Variants in IKZF3 observed in about 807,000 individuals in gnomAD.
The protein encoded by IKZF3 is IKAROS family zinc finger 3, also known as zinc finger protein Aiolos.
In IKZF3, 10 loss-of-function variants were observed where a neutral mutation model predicts 49.0. That is an observed-to-expected ratio of 0.20 (90% CI 0.13 to 0.35). The LOEUF is 0.35. Among genes scored for constraint, IKZF3 ranks in the 10% least tolerant of loss-of-function variants. IKZF3 has a pLI of 1.00. For missense variants in IKZF3, 498 were observed against 664.8 expected (o/e 0.75, Z 2.76); for synonymous variants, 209 against 228.2 (o/e 0.92, Z 0.76).
In IKZF3 at chr17:39,761,017, T is replaced by C. The variant is rs954424975; in HGVS notation, c.*4773A>G. The C allele has an allele frequency of 2.9e-5, 4 of 139,520 alleles. No individual in the cohort carries two copies. Among genetic ancestry groups the C allele is most frequent in the Non-Finnish European group, 4.4e-5 (3 of 67,826 alleles). The allele number at this position is 139,520 out of a possible 1,614,324, so 8.6% of individuals were successfully genotyped here. On this transcript the variant is annotated 3_prime_UTR_variant, in exon 8 of 8. Coordinates refer to ENST00000346872, the MANE Select transcript of IKZF3 (RefSeq NM_012481.5). ...AAATACAAAAAAAATTAGCTGTGCA[T>C]GGTGGTGTGCCTATAGTCCCAGCTA...
At chr17:39,800,378 T>C (rs2061287309) in intron 3 of IKZF3, among the ~76,000 whole-genome samples, 1 of 152,180 alleles carries the variant, frequency 6.6e-6, no homozygotes, top group Non-Finnish European at 1.5e-5. Flanking sequence ...ACTTGCCTTT[T>C]TGTACATATG....
At position 39,765,946 on chromosome 17, in the gene IKZF3, G is replaced by A. The variant is rs931627223; in HGVS notation, c.1374C>T (p.Arg458=). The A allele has an allele frequency of 1.5e-5, 24 of 1,614,120 alleles. No homozygotes were observed. Among genetic ancestry groups the A allele is most frequent in the East Asian group, 6.7e-5 (3 of 44,906 alleles). Residue 458 remains arginine, a synonymous_variant, in exon 8 of 8, where the codon CGC becomes CGT. Coordinates refer to ENST00000346872, the MANE Select transcript of IKZF3 (RefSeq NM_012481.5). The part of the protein sequence containing the change: ...VMDVYRCDHC[R]VLFLDYVMFT... ...ACATCACATAGTCCAGGAAGAGGAC[G>A]CGGCAGTGGTCACACCGATACACAT...
intron 1 of IKZF3, among the ~76,000 whole-genome samples, chr17:39,852,392 C>G (rs1392432655): frequency 6.6e-6 from 1 of 152,172 alleles, no homozygotes; most frequent in Non-Finnish European, 1.5e-5. Context: ...AGGTCACTAG[C>G]AAGTGTTATG....
In IKZF3 at chr17:39,848,201, TA is replaced by T. The variant is rs555695098; in HGVS notation, c.7+15918del. Among the ~76,000 whole-genome samples, 995 of 151,342 alleles carry T rather than the reference TA, an allele frequency of 6.6e-3. 10 individuals are homozygous for T. The highest frequency in any genetic ancestry group is 0.023 in the African/African-American group (961 of 41,320). On this transcript the variant is annotated intron_variant, in intron 1 of 7. Transcript: ENST00000346872. ...TCCAGTTCTTCCTACCCTCCCCCTT[TA>T]AAAAAAAATAAAGCATTCCATTTTT...
intron 3 of IKZF3, among the ~76,000 whole-genome samples, chr17:39,816,406 G>T (rs2061679545): frequency 6.6e-6 from 1 of 152,178 alleles, no homozygotes; most frequent in Non-Finnish European, 1.5e-5. Context: ...TAGGTTAGGA[G>T]TAAGGGAATT....
chr17:39,842,056 A>C (rs1041285856), intron 1 of IKZF3, among the ~76,000 whole-genome samples: 7 of 140,362 alleles, frequency 5.0e-5, no homozygotes, highest in African/African-American at 1.0e-4. Context: ...AAAAAAAAAA[A>C]AAACCAGATA....
In IKZF3 at chr17:39,770,287, C is replaced by T. The variant is rs148032579; in HGVS notation, c.827-3794G>A. ...CCAGCTTCTAGTCAAAATCACACCACGCCTTTGAATGATTCATGATACCAG... is the reference window on the plus strand; with the variant it reads ...CCAGCTTCTAGTCAAAATCACACCATGCCTTTGAATGATTCATGATACCAG... On this transcript the variant is annotated intron_variant, in intron 7 of 7. Coordinates refer to ENST00000346872, the MANE Select transcript of IKZF3 (RefSeq NM_012481.5). Among the ~76,000 whole-genome samples, 74 of 152,322 alleles carry T rather than the reference C, an allele frequency of 4.9e-4. 1 individual carries two copies. In the East Asian group the frequency reaches 0.012, roughly 24 times the overall value.
intron 3 of IKZF3, among the ~76,000 whole-genome samples, chr17:39,804,028 T>C (rs1166682380): frequency 6.6e-6 from 1 of 152,222 alleles, no homozygotes; most frequent in African/African-American, 2.4e-5. Flanking sequence ...TGTTTTGTGT[T>C]ATATCACAAT....
chr17:39,863,592 A>T (rs1353848136), intron 1 of IKZF3, among the ~76,000 whole-genome samples: 1 of 152,130 alleles, frequency 6.6e-6, no homozygotes, highest in Non-Finnish European at 1.5e-5. Context: ...TTCATATGAA[A>T]CTCCTAATGT....
intron 2 of IKZF3, among the ~76,000 whole-genome samples, chr17:39,830,549 G>T (rs1057357931): frequency 1.3e-5 from 2 of 152,120 alleles, no homozygotes; most frequent in Non-Finnish European, 2.9e-5. Flanking sequence ...AAGTTTAAGA[G>T]AAATGTATAA....
At chr17:39,772,647 T>G (rs1033264301) in intron 7 of IKZF3, among the ~76,000 whole-genome samples, 2 of 152,132 alleles carry the variant, frequency 1.3e-5, no homozygotes, top group Non-Finnish European at 2.9e-5. Flanking sequence ...TGGGGAAAGC[T>G]GAGCTGGAGA....
At chr17:39,832,824 T>A (rs182725345) in intron 1 of IKZF3, among the ~76,000 whole-genome samples, 170 of 152,208 alleles carry the variant, frequency 1.1e-3, no homozygotes, top group African/African-American at 3.9e-3. Flanking sequence ...AGGGTGACTA[T>A]AGTTAACAAC....
intron 3 of IKZF3, among the ~76,000 whole-genome samples, chr17:39,809,679 T>C (rs79026872): frequency 0.016 from 2,364 of 152,350 alleles, 38 homozygotes; most frequent in Non-Finnish European, 0.025. Flanking sequence ...TTTTAAAAAC[T>C]GTTTTCCACA....
chr17:39,800,488 A>G (rs1301716351), intron 3 of IKZF3, among the ~76,000 whole-genome samples: 1 of 152,230 alleles, frequency 6.6e-6, no homozygotes, highest in Non-Finnish European at 1.5e-5. Context: ...TTGCTGATAA[A>G]GGTAATTGCT....
chr17:39,808,540 TTTCTG>T (rs2061484297), intron 3 of IKZF3, among the ~76,000 whole-genome samples: 1 of 152,218 alleles, frequency 6.6e-6, no homozygotes, highest in Admixed American at 6.5e-5. Context: ...ACTGTCTCAC[TTTCTG>T]TTCTGTTAAT....
chr17:39,829,559 AC>A lies in IKZF3; in HGVS notation c.62-72del, dbSNP rs1445837885. On this transcript the variant is annotated intron_variant, in intron 2 of 7. Coordinates refer to ENST00000346872, the MANE Select transcript of IKZF3 (RefSeq NM_012481.5). ...ATTTTTATAAATATATATTAAGTAGACCCCCATTTAACTTTCAGCTTCACAC... is the reference window on the plus strand; with the variant it reads ...ATTTTTATAAATATATATTAAGTAGACCCCATTTAACTTTCAGCTTCACAC... The A allele has an allele frequency of 2.1e-5, 22 of 1,032,760 alleles. No homozygotes were observed. The African/African-American group carries it at 3.0e-4, about 14-fold the overall frequency. 64.0% of individuals were successfully genotyped at this position (1,032,760 alleles called of 1,614,324 possible).
intron 6 of IKZF3, among the ~76,000 whole-genome samples, chr17:39,781,251 A>G (rs2143768814): frequency 6.6e-6 from 1 of 152,318 alleles, no homozygotes; most frequent in Middle Eastern, 3.4e-3. Context: ...AAGAGCAGAG[A>G]GATGAAAGAC....
In IKZF3 at chr17:39,807,544, A is replaced by ATTTTTT. The variant is rs890371023; in HGVS notation, c.164-14617_164-14612dup. 5.2e-3 allele frequency among the ~76,000 whole-genome samples: 418 copies of ATTTTTT among 80,762 alleles called. 1 individual carries two copies. The highest frequency in any genetic ancestry group is 6.3e-3 in the African/African-American group (122 of 19,442). The allele number at this position is 80,762 out of a possible 152,430, so 53.0% of individuals were successfully genotyped here. ...CTCCTGAGTAGCTGGGACTATTTAAATTTTTTTTTTTTTTTTTTTTTTTTT... is the reference window on the plus strand; with the variant it reads ...CTCCTGAGTAGCTGGGACTATTTAAATTTTTTTTTTTTTTTTTTTTTTTTTTTTTTT... On this transcript the variant is annotated intron_variant, in intron 3 of 7. Coordinates refer to ENST00000346872, the MANE Select transcript of IKZF3 (RefSeq NM_012481.5).
rs756196399 is a variant in IKZF3 at position 39,766,500 on chromosome 17, C to G, written c.827-7G>C. 6.3e-6 allele frequency: 10 copies of G among 1,598,818 alleles called. No homozygotes were observed. The highest frequency in any genetic ancestry group is 8.5e-6 in the Non-Finnish European group (10 of 1,172,868). ...AAGCAGTGGCGCTTCTCACCTGGAA[C>G]AAGTGACAGAAAGGGTTACAAAGGG... On this transcript the variant is annotated splice_polypyrimidine_tract_variant and splice_region_variant and intron_variant, in intron 7 of 7. Transcript: ENST00000346872.
Sources: allele counts gnomAD v4.1 joint callset (sites outside exome capture counted in the v4.1 genomes callset), GRCh38; gene constraint gnomAD v4.1.1; transcripts MANE v1.5; gene names NCBI Gene and HGNC (gene_info 2026-07-23, HGNC 2026-07-21).